The following RPRD2 variants were observed in gnomAD, a reference collection of about 807,000 sequenced individuals.
RPRD2 encodes the protein regulation of nuclear pre-mRNA domain-containing protein 2.
In RPRD2, 12 loss-of-function variants were observed where a neutral mutation model predicts 104.4. The observed-to-expected ratio is 0.11, with a 90% confidence interval of 0.07 to 0.19. The LOEUF (loss-of-function observed/expected upper bound fraction) is 0.19. Among genes scored for constraint, RPRD2 ranks in the 10% least tolerant of loss-of-function variants. The probability of loss-of-function intolerance (pLI) is 1.00; values close to 1 mark genes in which losing one functional copy is unlikely to be tolerated. For missense variants in RPRD2, 1,543 were observed against 1,790.1 expected (o/e 0.86, Z 2.49); for synonymous variants, 714 against 684.9 (o/e 1.04, Z -0.66).
chr1:150,412,487 GA>G (rs1664014444), intron 1 of RPRD2, among the ~76,000 whole-genome samples: 1 of 152,126 alleles, frequency 6.6e-6, no homozygotes, highest in African/African-American at 2.4e-5. Context: ...GAAAACCACT[GA>G]AAACGGTTTA....
intron 2 of RPRD2, among the ~76,000 whole-genome samples, chr1:150,431,951 AAG>A (rs1226376197): frequency 1.3e-5 from 2 of 152,150 alleles, no homozygotes; most frequent in Non-Finnish European, 2.9e-5. Flanking sequence ...TTGCTGGAGA[AAG>A]GGGAGAATTG....
chr1:150,425,995 G>C (rs1200060110), intron 2 of RPRD2, among the ~76,000 whole-genome samples: 8 of 152,176 alleles, frequency 5.3e-5, no homozygotes, highest in African/African-American at 1.9e-4. Context: ...AAGCTACTTG[G>C]AAGGCTGAAG....
chr1:150,432,191 AAG>A (rs1553891964), intron 2 of RPRD2, among the ~76,000 whole-genome samples: 1 of 150,832 alleles, frequency 6.6e-6, no homozygotes, highest in Non-Finnish European at 1.5e-5. Flanking sequence ...AAAAAAAAAA[AAG>A]AAAGAAAAGT....
rs11205365 is a variant in RPRD2 at position 150,386,873 on chromosome 1, A to G, written c.205+21954A>G. Among the ~76,000 whole-genome samples the G allele has an allele frequency of 1.5e-3, 223 of 152,340 alleles. 2 individuals are homozygous for G. The highest frequency in any genetic ancestry group is 5.1e-3 in the African/African-American group (210 of 41,572). On this transcript the variant is annotated intron_variant, in intron 1 of 10. Transcript: ENST00000369068. ...ATTATTACAGTATAGTATGTACAGT[A>G]GTGAATTTTATTCAGTTATGATATA...
chr1:150,440,848 C>G, intron 2 of RPRD2, 75 bp from the exon 3 acceptor site: 1 of 739,634 alleles, frequency 1.4e-6, no homozygotes, highest in East Asian at 2.9e-5. Context: ...TTATTGATAA[C>G]TTTATTTTCA....
intron 2 of RPRD2, among the ~76,000 whole-genome samples, chr1:150,433,199 TCAG>T (rs1217360171): frequency 2.0e-5 from 3 of 152,010 alleles, no homozygotes; most frequent in Non-Finnish European, 4.4e-5. Flanking sequence ...GACAGACTTC[TCAG>T]CAGCGGCAGT....
At chr1:150,463,802 T>G (rs1257322157) in intron 9 of RPRD2, among the ~76,000 whole-genome samples, 1 of 152,172 alleles carries the variant, frequency 6.6e-6, no homozygotes, top group Non-Finnish European at 1.5e-5. Flanking sequence ...CCAGCAGTAT[T>G]TATTGAGCGC....
At chr1:150,447,972 CCTT>C (rs752074847) in intron 7 of RPRD2, among the ~76,000 whole-genome samples, 1 of 152,156 alleles carries the variant, frequency 6.6e-6, no homozygotes, top group Non-Finnish European at 1.5e-5. Flanking sequence ...CCGCCTTTCT[CCTT>C]CTCCCAGTTT....
At chr1:150,420,095 T>C (rs1664655992) in intron 2 of RPRD2, among the ~76,000 whole-genome samples, 1 of 152,212 alleles carries the variant, frequency 6.6e-6, no homozygotes, top group Non-Finnish European at 1.5e-5. Flanking sequence ...GCTGCCTCTT[T>C]ATGTATAAAA....
intron 1 of RPRD2, among the ~76,000 whole-genome samples, chr1:150,374,875 A>G (rs1282307069): frequency 6.6e-6 from 1 of 152,154 alleles, no homozygotes; most frequent in Non-Finnish European, 1.5e-5. Context: ...CAAAGAAGTA[A>G]TAAATCTATT....
Position 150,371,842 on chromosome 1 carries a change from T to G in RPRD2, c.205+6923T>G, listed in dbSNP as rs2102085814. On this transcript the variant is annotated intron_variant, in intron 1 of 10. Transcript: ENST00000369068. ...TACAGTGCAAGAAAATTTTGATAGC[T>G]TGCTTATTTATTCAAGATTTAGACT... Among the ~76,000 whole-genome samples, 2 of 152,334 alleles carry G rather than the reference T, an allele frequency of 1.3e-5. 1 individual carries two copies. Among genetic ancestry groups the G allele is most frequent in the Non-Finnish European group, 2.9e-5 (2 of 68,014 alleles).
At chr1:150,371,068 T>C (rs1660263781) in intron 1 of RPRD2, among the ~76,000 whole-genome samples, 1 of 152,172 alleles carries the variant, frequency 6.6e-6, no homozygotes. Context: ...AAATGAAACA[T>C]ATAAACATGG....
intron 4 of RPRD2, 96 bp downstream of exon 4, chr1:150,442,054 G>T: frequency 1.1e-6 from 1 of 920,522 alleles, no homozygotes. Flanking sequence ...CATAAACCAT[G>T]GGCAAGCCTG....
intron 1 of RPRD2, among the ~76,000 whole-genome samples, chr1:150,416,639 G>A (rs1360087009): frequency 6.6e-6 from 1 of 152,044 alleles, no homozygotes. Flanking sequence ...GGAGGCCAAA[G>A]CAGGCAGATC....
At chr1:150,443,339 T>C in intron 5 of RPRD2, 56 bp downstream of exon 5, 1 of 1,197,094 alleles carries the variant, frequency 8.4e-7, no homozygotes, top group Non-Finnish European at 1.2e-6. Flanking sequence ...TTTTGTATTA[T>C]AGTTTCCTGT....
intron 7 of RPRD2, among the ~76,000 whole-genome samples, chr1:150,454,899 A>G (rs1553897273): frequency 7.1e-6 from 1 of 141,690 alleles, no homozygotes. Flanking sequence ...TAATAACACA[A>G]TCTAATGGTC....
At chr1:150,389,562 C>T (rs954720586) in intron 1 of RPRD2, among the ~76,000 whole-genome samples, 1 of 152,126 alleles carries the variant, frequency 6.6e-6, no homozygotes, top group Non-Finnish European at 1.5e-5. Context: ...ATGATACTAA[C>T]CTTGATCACC....
In RPRD2 at chr1:150,472,272, C is replaced by T. The variant is rs587711262; in HGVS notation, c.3324C>T (p.Ser1108=). The part of the protein sequence containing the change: ...MSGEPIQTVE[S]IRVPGKGNRG... The stretch of plus-strand genomic sequence containing the variant: ...GGGAGCCGATCCAGACCGTAGAGTC[C>T]ATCCGAGTTCCTGGGAAGGGAAATA... The change falls in exon 11 of 11, where the codon TCC becomes TCT. Residue 1108 remains serine (S), a synonymous_variant. Transcript: ENST00000369068. 1.1e-4 allele frequency: 185 copies of T among 1,613,894 alleles called. 2 individuals are homozygous for T. In the South Asian group the frequency reaches 2.0e-3, roughly 17 times the overall value.
chr1:150,471,230 C>A lies in RPRD2; in HGVS notation c.2282C>A (p.Ser761Tyr), dbSNP rs755408074. ...SLLSKIISPG[S>Y]STPSSTRSPP... ...CTTTCTAAGATCATTAGCCCTGGTTCCTCAACACCCAGCAGTACAAGATCA... is the reference window on the plus strand; with the variant it reads ...CTTTCTAAGATCATTAGCCCTGGTTACTCAACACCCAGCAGTACAAGATCA... The change falls in exon 11 of 11, where the codon TCC (serine) becomes TAC (tyrosine). Residue 761 changes from serine to tyrosine, a missense_variant. Physicochemically the swap from Ser to Tyr is moderately radical, Grantham distance 144. Around this residue, in one of 4 missense-constraint regions of RPRD2, gnomAD observed 572 missense variants for 787.3 expected, o/e 0.73. Transcript: ENST00000369068. The surrounding 1 kb of genome is among the most constrained non-coding windows in gnomAD (Gnocchi z 5.3). 1.9e-6 allele frequency: 3 copies of A among 1,613,782 alleles called. No individual in the cohort carries two copies. Among genetic ancestry groups the A allele is most frequent in the Non-Finnish European group, 2.5e-6 (3 of 1,179,854 alleles).
Sources: gnomAD v4.1 joint callset for allele counts (sites outside exome capture counted in the v4.1 genomes callset) on GRCh38, gnomAD v4.1.1 for gene constraint, gnomAD v4.1.1 regional missense constraint, Gnocchi (gnomAD v3.1) non-coding constraint, MANE v1.5 for transcripts, NCBI Gene and HGNC (gene_info 2026-07-23, HGNC 2026-07-21) for gene names.